Variants in FAM114A1 observed in about 807,000 individuals in gnomAD.
The protein encoded by FAM114A1 is protein NOXP20.
Under a neutral mutation model 64.3 loss-of-function variants are expected in FAM114A1, and 62 were observed. The ratio of observed to expected loss-of-function variants is 0.96; its 90% CI spans 0.79 to 1.19. FAM114A1 has a LOEUF of 1.19. FAM114A1 is among the 50% of genes most tolerant of loss of function. The pLI, the probability that FAM114A1 is intolerant of heterozygous loss-of-function variation, is 0.00. For synonymous variants in FAM114A1, 254 were observed against 251.1 expected (o/e 1.01, Z -0.11); for missense variants, 645 against 676.3 (o/e 0.95, Z 0.51).
At chr4:38,930,277 TTC>T (rs151238656) in intron 10 of FAM114A1, among the ~76,000 whole-genome samples, 2 of 151,858 alleles carry the variant, frequency 1.3e-5, no homozygotes, top group African/African-American at 4.8e-5. Context: ...TGTTTTTCCA[TTC>T]TCTCTCTCTC....
At chr4:38,889,254 T>G (rs1439896190) in intron 3 of FAM114A1, among the ~76,000 whole-genome samples, 2 of 152,244 alleles carry the variant, frequency 1.3e-5, no homozygotes, top group Non-Finnish European at 2.9e-5. Context: ...CCATCTGTCT[T>G]CATAATGGTG....
At chr4:38,892,704 A>G (rs938941627) in intron 4 of FAM114A1, among the ~76,000 whole-genome samples, 33 of 152,254 alleles carry the variant, frequency 2.2e-4, no homozygotes, top group African/African-American at 7.2e-4. Flanking sequence ...GAGTTTTCAC[A>G]TCATCCACTT....
At position 38,929,347 on chromosome 4, in the gene FAM114A1, G is replaced by T; in HGVS notation, c.1161+14G>T. On this transcript the variant is annotated intron_variant, in intron 10 of 14. Transcript: ENST00000358869. ...AAACTCAATAAGGTCAGCACTGTCTGATTTATAGTTTCTGGTTAAAAAAAA... is the reference window on the plus strand; with the variant it reads ...AAACTCAATAAGGTCAGCACTGTCTTATTTATAGTTTCTGGTTAAAAAAAA... 1 of 1,584,590 alleles carries T rather than the reference G, an allele frequency of 6.3e-7. No homozygotes were observed. Among genetic ancestry groups the T allele is most frequent in the Non-Finnish European group, 8.6e-7 (1 of 1,156,660 alleles).
chr4:38,902,781 A>G (rs1317095999), intron 4 of FAM114A1, among the ~76,000 whole-genome samples: 1 of 152,076 alleles, frequency 6.6e-6, no homozygotes, highest in African/African-American at 2.4e-5. Context: ...TATTATTCAT[A>G]TTTGTTGTTT....
intron 3 of FAM114A1, among the ~76,000 whole-genome samples, chr4:38,889,813 G>A (rs73236664): frequency 0.23 from 34,845 of 152,070 alleles, 4,568 homozygotes; most frequent in Non-Finnish European, 0.28. Context: ...TCACAAAATA[G>A]TGATTTTTTT....
intron 3 of FAM114A1, among the ~76,000 whole-genome samples, chr4:38,890,401 C>CA (rs3067630): frequency 0.13 from 16,614 of 126,718 alleles, 1,324 homozygotes; most frequent in Middle Eastern, 0.15. Context: ...GACTCCGTCT[C>CA]AAAAAAAAAA....
intron 4 of FAM114A1, among the ~76,000 whole-genome samples, chr4:38,897,504 C>G (rs908215911): frequency 6.6e-6 from 1 of 152,174 alleles, no homozygotes; most frequent in Non-Finnish European, 1.5e-5. Flanking sequence ...AAACATTTTT[C>G]AGCCAACAAT....
chr4:38,929,397 G>T, intron 10 of FAM114A1, 64 bp downstream of exon 10: 1 of 1,270,440 alleles, frequency 7.9e-7, no homozygotes, highest in Non-Finnish European at 1.1e-6. Flanking sequence ...AGTCTCTGTT[G>T]TAAAGTTCCA....
chr4:38,919,231 A>C (rs937742568), intron 8 of FAM114A1, among the ~76,000 whole-genome samples: 3 of 152,194 alleles, frequency 2.0e-5, no homozygotes, highest in African/African-American at 7.2e-5. Flanking sequence ...TCTTAACTTG[A>C]CAAACATACT....
chr4:38,902,721 G>A (rs1579339669), intron 4 of FAM114A1, among the ~76,000 whole-genome samples: 1 of 152,136 alleles, frequency 6.6e-6, no homozygotes, highest in Non-Finnish European at 1.5e-5. Flanking sequence ...GGGATACTTG[G>A]GGTTTGGGAT....
intron 4 of FAM114A1, among the ~76,000 whole-genome samples, chr4:38,903,691 C>T (rs982536535): frequency 1.3e-5 from 2 of 152,028 alleles, no homozygotes; most frequent in African/African-American, 2.4e-5. Flanking sequence ...ATTCATTGGA[C>T]GCTAGAGATA....
At chr4:38,887,027 C>T (rs1007630937) in intron 3 of FAM114A1, among the ~76,000 whole-genome samples, 2 of 151,522 alleles carry the variant, frequency 1.3e-5, no homozygotes, top group South Asian at 4.2e-4. Context: ...CTAACCAGAT[C>T]GGGAGATGTG....
At chr4:38,914,759 C>A in intron 7 of FAM114A1, 162 bp from the exon 8 acceptor site, 2 of 733,006 alleles carry the variant, frequency 2.7e-6, no homozygotes, top group Non-Finnish European at 4.3e-6. Context: ...TAAAAGTTAT[C>A]AATAGGATCA....
chr4:38,874,807 G>T (rs1383394933), intron 2 of FAM114A1, among the ~76,000 whole-genome samples: 1 of 152,076 alleles, frequency 6.6e-6, no homozygotes, highest in Non-Finnish European at 1.5e-5. Context: ...ATAGTTTTGG[G>T]TTTTACATTT....
chr4:38,880,961 G>T (rs1715208327), intron 3 of FAM114A1, among the ~76,000 whole-genome samples: 1 of 152,170 alleles, frequency 6.6e-6, no homozygotes, highest in Non-Finnish European at 1.5e-5. Context: ...GAGGCAGGTG[G>T]ATCACTTGAG....
At position 38,878,240 on chromosome 4, in the gene FAM114A1, A is replaced by G; in HGVS notation, c.162A>G (p.Glu54=). ...TPADPRGEGH[E]NAAVQGAGAA... ...CTGACCCCAGAGGGGAGGGGCATGA[A>G]AATGCAGCTGTGCAGGGTGCAGGGG... Residue 54 remains glutamate, a synonymous_variant, in exon 3 of 15, where the codon GAA becomes GAG. Transcript: ENST00000358869. 1.2e-6 allele frequency: 2 copies of G among 1,614,230 alleles called. No individual in the cohort carries two copies. The highest frequency in any genetic ancestry group is 1.7e-6 in the Non-Finnish European group (2 of 1,180,032).
At chr4:38,893,650 A>C in intron 4 of FAM114A1, among the ~76,000 whole-genome samples, 1 of 152,112 alleles carries the variant, frequency 6.6e-6, no homozygotes, top group East Asian at 1.9e-4. Context: ...TCTGTACCTC[A>C]TTTGACTTTG....
At chr4:38,912,643 A>G (rs967367350) in intron 7 of FAM114A1, among the ~76,000 whole-genome samples, 8 of 152,048 alleles carry the variant, frequency 5.3e-5, no homozygotes, top group Admixed American at 1.3e-4. Context: ...TGGCCTCCCA[A>G]AGTGCTGGGA....
chr4:38,933,784 C>A (rs1381748194), intron 12 of FAM114A1, among the ~76,000 whole-genome samples: 1 of 152,106 alleles, frequency 6.6e-6, no homozygotes, highest in African/African-American at 2.4e-5. Flanking sequence ...CAAAATAGAG[C>A]CCCTGAAAAT....
Sources: gnomAD v4.1 joint callset for allele counts (sites outside exome capture counted in the v4.1 genomes callset) on GRCh38, gnomAD v4.1.1 for gene constraint, MANE v1.5 for transcripts, NCBI Gene and HGNC (gene_info 2026-07-23, HGNC 2026-07-21) for gene names.